PIH1D1: variants seen among roughly 807,000 people sequenced by gnomAD.
PIH1D1 encodes PIH1 domain-containing protein 1.
In PIH1D1, 28 loss-of-function variants were observed where a neutral mutation model predicts 38.5. The ratio of observed to expected loss-of-function variants is 0.73; its 90% CI spans 0.54 to 1.00. PIH1D1 has a LOEUF of 1.00. Among genes scored for constraint, PIH1D1 ranks in the 50% least tolerant of loss-of-function variants. The probability of loss-of-function intolerance (pLI) is 0.00; values close to 1 mark genes in which losing one functional copy is unlikely to be tolerated. For synonymous variants in PIH1D1, 155 were observed against 153.5 expected, an observed-to-expected ratio of 1.01 and a Z score of -0.07; for missense variants, 343 against 369.9, an observed-to-expected ratio of 0.93 and a Z score of 0.60.
Position 49,447,462 on chromosome 19 carries a change from G to T in PIH1D1, c.487C>A (p.Arg163Ser), listed in dbSNP as rs770443856. ...ATGAATGGCCGGTTCTTCATCATGC[G>T]CCATTCTGAGGGTCAGGAGCGCCGT... ...KYNLQLNPEW[R>S]MMKNRPFMGS... The change falls in exon 6 of 9, where the codon CGC (arginine) becomes AGC (serine). Residue 163 changes from arginine (R) to serine (S), a missense_variant. Arg to Ser is a moderately radical substitution (Grantham distance 110). Transcript: ENST00000262265. 1.2e-6 allele frequency: 2 copies of T among 1,608,836 alleles called. No homozygotes were observed. The highest frequency in any genetic ancestry group is 2.2e-5 in the South Asian group (2 of 91,084).
chr19:49,450,674 C>T (rs1460196900), intron 2 of PIH1D1, 108 bp downstream of exon 2: 1 of 694,428 alleles, frequency 1.4e-6, no homozygotes, highest in Non-Finnish European at 2.5e-6. Flanking sequence ...TGGGTGTCTG[C>T]TCACCCCACC....
At chr19:49,447,136 C>CT in intron 6 of PIH1D1, 37 bp from the exon 7 acceptor site, 1 of 1,568,090 alleles carries the variant, frequency 6.4e-7, no homozygotes, top group South Asian at 1.1e-5. Context: ...AGCACAGCTG[C>CT]CAGGTCTTTG....
In PIH1D1 at chr19:49,451,021, ATTTCT is replaced by A; in HGVS notation, c.91-178_91-174del. On this transcript the variant is annotated intron_variant, in intron 1 of 8. Transcript: ENST00000262265. ...GAAGAACAACCCCAACCCCATTCCC[ATTTCT>A]TTTTTTTTTTTTTTTTTTTTGGAGA... 4.5e-5 allele frequency: 36 copies of A among 808,742 alleles called. No individual in the cohort carries two copies. The African/African-American group carries it at 6.6e-4, about 15-fold the overall frequency. The allele number at this position is 808,742 out of a possible 1,614,324, so 50.1% of individuals were successfully genotyped here. A position where few individuals can be genotyped will look rare whatever the true frequency, so the allele number is the denominator to read the frequency against.
chr19:49,451,804 G>C lies in PIH1D1; in HGVS notation c.-230C>G. Reference sequence around the variant, plus strand: ...CGCACTACCCTCCGTCCTACGTGCCGAACTGTAAACGAAGCCACACTTCCG... The same window carrying C: ...CGCACTACCCTCCGTCCTACGTGCCCAACTGTAAACGAAGCCACACTTCCG... On this transcript the variant is annotated 5_prime_UTR_variant, in exon 1 of 9. Transcript: ENST00000262265. 2 of 1,305,874 alleles carry C rather than the reference G, an allele frequency of 1.5e-6. No homozygotes were observed. Among genetic ancestry groups the C allele is most frequent in the Non-Finnish European group, 2.0e-6 (2 of 1,003,682 alleles). The allele number at this position is 1,305,874 out of a possible 1,614,324, so 80.9% of individuals were successfully genotyped here.
At chr19:49,449,370 G>T in intron 3 of PIH1D1, 105 bp downstream of exon 3, 1 of 1,032,130 alleles carries the variant, frequency 9.7e-7, no homozygotes, top group Non-Finnish European at 1.5e-6. Context: ...CGAGGGGCCA[G>T]ATCTCCAGGA....
Position 49,449,515 on chromosome 19 carries a change from G to A in PIH1D1, c.297C>T (p.Ile99=), listed in dbSNP as rs753299976. 3 of 1,614,078 alleles carry A rather than the reference G, an allele frequency of 1.9e-6. No homozygotes were observed. The highest frequency in any genetic ancestry group is 2.5e-6 in the Non-Finnish European group (3 of 1,180,038). ...MLEEDQAGFR[I]PMSLGEPHAE... ...CATGAGGCTCTCCCAGACTCATGGG[G>A]ATGCGAAACCCAGCTTGGTCCTCCT... Residue 99 remains isoleucine, a synonymous_variant, in exon 3 of 9, where the codon ATC becomes ATT. Transcript: ENST00000262265.
chr19:49,448,917 G>A, intron 3 of PIH1D1: 1 of 231,748 alleles, frequency 4.3e-6, no homozygotes, highest in Non-Finnish European at 8.7e-6. Flanking sequence ...CGCAGGCTGG[G>A]TGCAGTGGCT....
chr19:49,447,053 G>C lies in PIH1D1; in HGVS notation c.658C>G (p.Leu220Val). Reference sequence around the variant, plus strand: ...TTGGGGAGGTCAACTTCGGCCAAGAGGAGGTCGGGGGCTTCCAGCCACAGG... The same window carrying C: ...TTGGGGAGGTCAACTTCGGCCAAGACGAGGTCGGGGGCTTCCAGCCACAGG... ...LNLWLEAPDL[L>V]LAEVDLPKLD... The change falls in exon 7 of 9, where the codon CTC (leucine) becomes GTC (valine). Residue 220 changes from leucine to valine, a missense_variant. Physicochemically the swap from Leu to Val is conservative, Grantham distance 32. Transcript: ENST00000262265. 1 of 1,613,660 alleles carries C rather than the reference G, an allele frequency of 6.2e-7. No homozygotes were observed. The highest frequency in any genetic ancestry group is 8.5e-7 in the Non-Finnish European group (1 of 1,179,848).
At position 49,451,610 on chromosome 19, in the gene PIH1D1, C is replaced by G; in HGVS notation, c.-36G>C. On this transcript the variant is annotated 5_prime_UTR_variant, in exon 1 of 9. Coordinates refer to ENST00000262265, the MANE Select transcript of PIH1D1 (RefSeq NM_017916.3). ...AAGAGATCTAGGCGTCCTCGAGACCCTCAACGTGGGAAACTTTGCCCAGGA... is the reference window on the plus strand; with the variant it reads ...AAGAGATCTAGGCGTCCTCGAGACCGTCAACGTGGGAAACTTTGCCCAGGA... 1 of 1,608,304 alleles carries G rather than the reference C, an allele frequency of 6.2e-7. No individual in the cohort carries two copies. Among genetic ancestry groups the G allele is most frequent in the Non-Finnish European group, 8.5e-7 (1 of 1,179,040 alleles).
At chr19:49,447,570 G>A (rs940518120) in intron 5 of PIH1D1, 103 bp from the exon 6 acceptor site, 4 of 1,410,978 alleles carry the variant, frequency 2.8e-6, no homozygotes, top group Non-Finnish European at 3.9e-6. Context: ...AGGACTCTTG[G>A]GGTCTGACCA....
At chr19:49,451,319 G>A in intron 1 of PIH1D1, 166 bp downstream of exon 1, 1 of 964,308 alleles carries the variant, frequency 1.0e-6, no homozygotes, top group Non-Finnish European at 1.5e-6. Flanking sequence ...GTGAGCCACC[G>A]CGCCCGGCCC....
At position 49,446,562 on chromosome 19, in the gene PIH1D1, G is replaced by C. The variant is rs746667564; in HGVS notation, c.820C>G (p.Arg274Gly). ...NSHESKAAFH[R>G]KRKQLMVAMP... The stretch of plus-strand genomic sequence containing the variant: ...CCTCCCCCAGGCACCTTTCTCTTCC[G>C]GTGGAAGGCTGCCTTGCTCTCATGA... The change falls in exon 8 of 9, where the codon CGG (arginine) becomes GGG (glycine). Residue 274 changes from arginine to glycine, a missense_variant. Physicochemically the swap from Arg to Gly is moderately radical, Grantham distance 125. Coordinates refer to ENST00000262265, the MANE Select transcript of PIH1D1 (RefSeq NM_017916.3). 1.2e-6 allele frequency: 2 copies of C among 1,613,736 alleles called. No individual in the cohort carries two copies. Among genetic ancestry groups the C allele is most frequent in the Admixed American group, 3.3e-5 (2 of 59,994 alleles).
chr19:49,450,690 C>CCCCCCCCCTT, intron 2 of PIH1D1, 92 bp downstream of exon 2: 2 of 690,734 alleles, frequency 2.9e-6, no homozygotes, highest in South Asian at 2.2e-5. Context: ...CCACCCCCAC[C>CCCCCCCCCTT]CTAGGCCTTT....
intron 3 of PIH1D1, chr19:49,449,098 A>G (rs922737072): frequency 1.1e-5 from 4 of 357,342 alleles, no homozygotes; most frequent in Admixed American, 7.5e-5. Context: ...AGCCTGAGAC[A>G]GGAGAATCGT....
rs1320888482 is a variant in PIH1D1, at chr19:49,449,661, G to C, written c.158-7C>G. On this transcript the variant is annotated splice_polypyrimidine_tract_variant and splice_region_variant and intron_variant, in intron 2 of 8. Transcript: ENST00000262265. Reference sequence around the variant, plus strand: ...TTGGTCTTTATGCAGAAACCTGGTGGGAGTGGGTTAGTCATGACAATCCTT... The same window carrying C: ...TTGGTCTTTATGCAGAAACCTGGTGCGAGTGGGTTAGTCATGACAATCCTT... 2 of 1,611,818 alleles carry C rather than the reference G, an allele frequency of 1.2e-6. No individual in the cohort carries two copies. Among genetic ancestry groups the C allele is most frequent in the African/African-American group, 2.7e-5 (2 of 74,850 alleles).
chr19:49,448,087 G>C, intron 3 of PIH1D1, 25 bp from the exon 4 acceptor site: 1 of 1,610,712 alleles, frequency 6.2e-7, no homozygotes, highest in Non-Finnish European at 8.5e-7. Flanking sequence ...AGGGGGTGAG[G>C]ACCCCCCAGC....
Position 49,447,361 on chromosome 19 carries a change from G to C in PIH1D1, c.588C>G (p.Pro196=). The change falls in exon 6 of 9, where the codon CCC becomes CCG. Residue 196 remains proline (P), a synonymous_variant. Transcript: ENST00000262265. ...ACCCTGACTCAGCTCTCCCGGGGGC[G>C]GGCGTGTACAGGTCCCCCAGCTCCT... The part of the protein sequence containing the change: ...RIQELGDLYT[P]APGRAESGPE... The C allele has an allele frequency of 6.2e-7, 1 of 1,613,874 alleles. No individual in the cohort carries two copies. Among genetic ancestry groups the C allele is most frequent in the African/African-American group, 1.3e-5 (1 of 75,024 alleles).
chr19:49,449,792 CTCTT>C, intron 2 of PIH1D1, 138 bp from the exon 3 acceptor site: 1 of 549,776 alleles, frequency 1.8e-6, no homozygotes. Context: ...TCCCTCACTT[CTCTT>C]TTTTTTTTTT....
chr19:49,447,575 T>C, intron 5 of PIH1D1, 108 bp from the exon 6 acceptor site: 1 of 1,362,322 alleles, frequency 7.3e-7, no homozygotes, highest in Non-Finnish European at 1.0e-6. Flanking sequence ...TCTTGGGGTC[T>C]GACCACACCC....
Sources: gnomAD v4.1 joint callset for allele counts on GRCh38, gnomAD v4.1.1 for gene constraint, MANE v1.5 for transcripts, NCBI Gene and HGNC (gene_info 2026-07-23, HGNC 2026-07-21) for gene names.